PPM1L: variants seen among roughly 807,000 people sequenced by gnomAD.
The protein encoded by PPM1L is protein phosphatase 1L.
In PPM1L, 13 loss-of-function variants were observed where a neutral mutation model predicts 31.4. That is an observed-to-expected ratio of 0.41 (90% CI 0.27 to 0.66). The LOEUF (loss-of-function observed/expected upper bound fraction) is 0.66, where lower values mean the gene tolerates loss of function less well. Ranked by LOEUF, PPM1L falls within the 30% of genes least tolerant of loss-of-function variation. The pLI is 0.29. For missense variants in PPM1L, 326 were observed against 453.7 expected, an observed-to-expected ratio of 0.72 and a Z score of 2.56; for synonymous variants, 184 against 175.4, an observed-to-expected ratio of 1.05 and a Z score of -0.39.
intron 1 of PPM1L, among the ~76,000 whole-genome samples, chr3:160,855,168 C>T (rs1190889358): frequency 6.6e-6 from 1 of 152,082 alleles, no homozygotes; most frequent in South Asian, 2.1e-4. Context: ...AACTGGCTAG[C>T]CCTATGCAGA....
At chr3:160,871,130 A>G (rs578116683) in intron 1 of PPM1L, among the ~76,000 whole-genome samples, 4 of 152,302 alleles carry the variant, frequency 2.6e-5, no homozygotes, top group Admixed American at 2.6e-4. Flanking sequence ...AAATATATAT[A>G]AATGTCAAGG....
chr3:161,004,169 C>T (rs1313201805), intron 2 of PPM1L, among the ~76,000 whole-genome samples: 1 of 146,396 alleles, frequency 6.8e-6, no homozygotes, highest in Non-Finnish European at 1.5e-5. Flanking sequence ...TTGAACCAGC[C>T]TTGCATCCCA....
At chr3:160,761,709 C>A (rs1256323372) in intron 1 of PPM1L, among the ~76,000 whole-genome samples, 5 of 152,130 alleles carry the variant, frequency 3.3e-5, no homozygotes, top group African/African-American at 1.2e-4. Context: ...TAAAGACATA[C>A]CCAAGGCTGG....
intron 1 of PPM1L, among the ~76,000 whole-genome samples, chr3:160,883,363 T>C (rs1011178144): frequency 6.6e-6 from 1 of 152,092 alleles, no homozygotes; most frequent in Non-Finnish European, 1.5e-5. Context: ...AAAAATGAAA[T>C]ATGTGTACAA....
intron 2 of PPM1L, among the ~76,000 whole-genome samples, chr3:160,971,576 C>T (rs1198048534): frequency 6.6e-6 from 1 of 152,212 alleles, no homozygotes; most frequent in Non-Finnish European, 1.5e-5. Context: ...GTAAAGAGTT[C>T]TTAAATCAGA....
rs1341171209 is a variant in PPM1L at position 161,069,835 on chromosome 3, T to TTTA, written c.*678_*679insTTA. 1 of 152,464 alleles carries TTTA rather than the reference T, an allele frequency of 6.6e-6. No individual in the cohort carries two copies. Among genetic ancestry groups the TTTA allele is most frequent in the Non-Finnish European group, 1.5e-5 (1 of 68,224 alleles). The allele number at this position is 152,464 out of a possible 1,614,324, so 9.4% of individuals were successfully genotyped here. On this transcript the variant is annotated 3_prime_UTR_variant, in exon 4 of 4. Coordinates refer to ENST00000498165, the MANE Select transcript of PPM1L (RefSeq NM_139245.4). ...CTTTAATAGTTAAATAGACTTTGTA[T>TTTA]ACCACCTGACCAGCCTTTGTGCATT...
At chr3:160,875,344 T>A (rs1051117477) in intron 1 of PPM1L, among the ~76,000 whole-genome samples, 4 of 152,252 alleles carry the variant, frequency 2.6e-5, no homozygotes, top group African/African-American at 9.6e-5. Flanking sequence ...GAAACAAGGC[T>A]ATCTTCCATA....
chr3:160,940,986 C>T (rs2108087261), intron 1 of PPM1L, among the ~76,000 whole-genome samples: 1 of 152,318 alleles, frequency 6.6e-6, no homozygotes, highest in Middle Eastern at 3.4e-3. Flanking sequence ...TGCCTAAGAC[C>T]ATGGGAACCC....
chr3:160,906,367 G>GC (rs1244154148), intron 1 of PPM1L, among the ~76,000 whole-genome samples: 4 of 151,952 alleles, frequency 2.6e-5, no homozygotes, highest in Admixed American at 6.5e-5. Flanking sequence ...ATTTTGGGAG[G>GC]CCAAGGTGGG....
intron 1 of PPM1L, among the ~76,000 whole-genome samples, chr3:160,839,248 G>T (rs184395954): frequency 1.3e-5 from 2 of 152,204 alleles, no homozygotes; most frequent in African/African-American, 4.8e-5. Flanking sequence ...TTATGTTTGC[G>T]TAGCAAACTC....
At chr3:160,974,296 A>G (rs546109516) in intron 2 of PPM1L, among the ~76,000 whole-genome samples, 2 of 151,642 alleles carry the variant, frequency 1.3e-5, no homozygotes, top group African/African-American at 4.8e-5. Context: ...GTTGGTTCCA[A>G]GTCTTTGCTA....
chr3:161,021,506 A>G (rs1353343280), intron 2 of PPM1L, among the ~76,000 whole-genome samples: 1 of 151,932 alleles, frequency 6.6e-6, no homozygotes, highest in Non-Finnish European at 1.5e-5. Flanking sequence ...TATTGGGTGG[A>G]GTGTTCTATA....
At chr3:161,062,964 G>A (rs572854985) in intron 2 of PPM1L, among the ~76,000 whole-genome samples, 5 of 152,284 alleles carry the variant, frequency 3.3e-5, no homozygotes, top group Admixed American at 6.5e-5. Flanking sequence ...TCGGCGACAT[G>A]CTCACCTAGA....
rs1250993521 is a variant in PPM1L, at chr3:160,928,890, G to C, written c.400-32846G>C. On this transcript the variant is annotated intron_variant, in intron 1 of 3. Coordinates refer to ENST00000498165, the MANE Select transcript of PPM1L (RefSeq NM_139245.4). ...AGATAATAAATTTGATTTATAAAAT[G>C]CTCACTCTGTCGTATATTGTTATAG... Among the ~76,000 whole-genome samples the C allele has an allele frequency of 3.3e-5, 5 of 152,144 alleles. No homozygotes were observed. The East Asian group carries it at 9.7e-4, about 30-fold the overall frequency.
intron 1 of PPM1L, among the ~76,000 whole-genome samples, chr3:160,940,186 A>C (rs375060866): frequency 6.6e-6 from 1 of 152,216 alleles, no homozygotes; most frequent in Admixed American, 6.5e-5. Flanking sequence ...AAAGCATTCA[A>C]GAGGTGACTT....
intron 2 of PPM1L, among the ~76,000 whole-genome samples, chr3:160,968,474 G>T (rs1350705784): frequency 6.6e-6 from 1 of 152,148 alleles, no homozygotes; most frequent in Non-Finnish European, 1.5e-5. Flanking sequence ...GTGGGCAAAA[G>T]TCAAAGGGTT....
chr3:160,923,320 A>G (rs1576716671), intron 1 of PPM1L, among the ~76,000 whole-genome samples: 2 of 152,242 alleles, frequency 1.3e-5, no homozygotes, highest in Non-Finnish European at 2.9e-5. Context: ...AGTTCATCTG[A>G]TTTTTGCCTT....
At chr3:160,953,607 G>A (rs1443737671) in intron 1 of PPM1L, among the ~76,000 whole-genome samples, 1 of 152,132 alleles carries the variant, frequency 6.6e-6, no homozygotes, top group African/African-American at 2.4e-5. Flanking sequence ...TCTAATGGCG[G>A]TTCTATTAGA....
chr3:160,924,300 A>G (rs894798561), intron 1 of PPM1L, among the ~76,000 whole-genome samples: 2 of 152,220 alleles, frequency 1.3e-5, no homozygotes, highest in African/African-American at 4.8e-5. Context: ...GAAGAATCCA[A>G]TCTTCTGCAA....
Sources: gnomAD v4.1 joint callset for allele counts (sites outside exome capture counted in the v4.1 genomes callset) on GRCh38, gnomAD v4.1.1 for gene constraint, MANE v1.5 for transcripts, NCBI Gene and HGNC (gene_info 2026-07-23, HGNC 2026-07-21) for gene names.